Variants in DCC observed in about 807,000 individuals in gnomAD.
DCC encodes netrin receptor DCC.
DCC carries 58 observed loss-of-function variants against 172.5 expected under a neutral mutation model. The ratio of observed to expected loss-of-function variants is 0.34; its 90% confidence interval spans 0.27 to 0.42. DCC has a LOEUF of 0.42. Ranked by LOEUF, DCC falls within the 10% of genes least tolerant of loss-of-function variation. DCC has a pLI of 1.00. For synonymous variants in DCC, 709 were observed against 644.5 expected, an observed-to-expected ratio of 1.10 and a Z score of -1.52; for missense variants, 1,740 against 1,791.0, an observed-to-expected ratio of 0.97 and a Z score of 0.51.
chr18:53,318,806 A>G (rs6508226), intron 13 of DCC, among the ~76,000 whole-genome samples: 30,459 of 148,482 alleles, frequency 0.21, 4,710 homozygotes, highest in African/African-American at 0.43. Flanking sequence ...AAGATACATA[A>G]TGGTCAGATT....
chr18:52,599,250 G>A (rs1030636041), intron 1 of DCC, among the ~76,000 whole-genome samples: 1 of 152,140 alleles, frequency 6.6e-6, no homozygotes, highest in African/African-American at 2.4e-5. Context: ...TTTTAAGAAT[G>A]TTGTGAGTGG....
intron 15 of DCC, among the ~76,000 whole-genome samples, chr18:53,359,863 G>A (rs535552226): frequency 3.3e-5 from 5 of 152,016 alleles, no homozygotes; most frequent in Non-Finnish European, 5.9e-5. Context: ...ACCCATTTCA[G>A]TGACCCCTGA....
chr18:52,398,895 C>A (rs1986333882), intron 1 of DCC, among the ~76,000 whole-genome samples: 1 of 151,900 alleles, frequency 6.6e-6, no homozygotes, highest in African/African-American at 2.4e-5. Flanking sequence ...ACCAAAATCT[C>A]ACAAATCACC....
intron 1 of DCC, among the ~76,000 whole-genome samples, chr18:52,677,908 A>G (rs577711123): frequency 6.6e-6 from 1 of 152,318 alleles, no homozygotes; most frequent in South Asian, 2.1e-4. Flanking sequence ...TTCAGTAGCC[A>G]TAATACGCCA....
At chr18:52,913,184 G>A (rs940480389) in intron 3 of DCC, among the ~76,000 whole-genome samples, 2 of 152,062 alleles carry the variant, frequency 1.3e-5, no homozygotes, top group African/African-American at 4.8e-5. Context: ...ATTAGTTATA[G>A]TAGGTCAGGT....
At chr18:52,765,475 G>C (rs2037232922) in intron 2 of DCC, among the ~76,000 whole-genome samples, 3 of 152,050 alleles carry the variant, frequency 2.0e-5, no homozygotes, top group Middle Eastern at 3.2e-3. Context: ...CATCATGCTA[G>C]CTCTTGCCTT....
intron 15 of DCC, among the ~76,000 whole-genome samples, chr18:53,362,947 C>A (rs1288797216): frequency 1.3e-5 from 2 of 152,082 alleles, no homozygotes; most frequent in African/African-American, 4.8e-5. Flanking sequence ...TACTCTGTGC[C>A]AACTCTATGT....
At chr18:53,425,363 T>TC (rs200775293) in intron 21 of DCC, among the ~76,000 whole-genome samples, 1 of 132,070 alleles carries the variant, frequency 7.6e-6, no homozygotes, top group African/African-American at 2.6e-5. Flanking sequence ...CTCTCTTTTT[T>TC]TTTTTTTTTT....
At chr18:52,948,627 T>G (rs1010977085) in intron 5 of DCC, among the ~76,000 whole-genome samples, 5 of 152,154 alleles carry the variant, frequency 3.3e-5, no homozygotes, top group Admixed American at 1.3e-4. Flanking sequence ...CATGTTCACC[T>G]TCTTTCTTCT....
At chr18:53,259,669 G>A (rs185094509) in intron 12 of DCC, among the ~76,000 whole-genome samples, 47 of 152,072 alleles carry the variant, frequency 3.1e-4, no homozygotes, top group African/African-American at 1.1e-3. Context: ...CAACTTTGGT[G>A]AATCTGACAA....
intron 5 of DCC, among the ~76,000 whole-genome samples, chr18:52,985,896 A>G (rs887249154): frequency 2.6e-5 from 4 of 152,134 alleles, no homozygotes; most frequent in Admixed American, 1.3e-4. Context: ...TTTTATAGTT[A>G]CAGCAGTTTC....
intron 23 of DCC, among the ~76,000 whole-genome samples, chr18:53,456,269 C>G (rs1197945154): frequency 6.6e-6 from 1 of 151,990 alleles, no homozygotes; most frequent in Non-Finnish European, 1.5e-5. Flanking sequence ...AGTAAACAAA[C>G]AAAACAAAAA....
intron 11 of DCC, among the ~76,000 whole-genome samples, chr18:53,213,336 A>G (rs1276906504): frequency 6.6e-6 from 1 of 152,176 alleles, no homozygotes; most frequent in Non-Finnish European, 1.5e-5. Flanking sequence ...AATATAAACT[A>G]GAAATATTCT....
chr18:53,297,635 A>G (rs6508218), intron 12 of DCC, among the ~76,000 whole-genome samples: 22,728 of 152,198 alleles, frequency 0.15, 2,489 homozygotes, highest in African/African-American at 0.3. Context: ...CCGTAACAGC[A>G]ACAGCTTTTG....
chr18:53,165,716 T>C (rs1487433046), intron 8 of DCC, among the ~76,000 whole-genome samples: 1 of 152,192 alleles, frequency 6.6e-6, no homozygotes, highest in African/African-American at 2.4e-5. Flanking sequence ...CATATATAAA[T>C]GAGCAAATAT....
intron 2 of DCC, among the ~76,000 whole-genome samples, chr18:52,813,307 A>C (rs2038233649): frequency 6.7e-6 from 1 of 149,170 alleles, no homozygotes; most frequent in South Asian, 2.2e-4. Flanking sequence ...CAGATGTTAT[A>C]GGTGAAAACA....
chr18:52,968,932 A>G (rs1333002841), intron 5 of DCC, among the ~76,000 whole-genome samples: 1 of 152,114 alleles, frequency 6.6e-6, no homozygotes, highest in Non-Finnish European at 1.5e-5. Context: ...AGGCAACCCT[A>G]AATTTCCCCC....
At chr18:52,631,676 G>A (rs76759704) in intron 1 of DCC, among the ~76,000 whole-genome samples, 3,017 of 152,198 alleles carry the variant, frequency 0.02, 98 homozygotes, top group African/African-American at 0.068. Context: ...AAATTTTGTC[G>A]CATTGGTCTG....
At chr18:53,222,069 A>C (rs532660291) in intron 12 of DCC, among the ~76,000 whole-genome samples, 1 of 152,310 alleles carries the variant, frequency 6.6e-6, no homozygotes, top group African/African-American at 2.4e-5. Context: ...TGATTCTTAG[A>C]CTTTTTTTGA....
Sources: allele counts gnomAD v4.1 joint callset (sites outside exome capture counted in the v4.1 genomes callset), GRCh38; gene constraint gnomAD v4.1.1; transcripts MANE v1.5; gene names NCBI Gene and HGNC (gene_info 2026-07-23, HGNC 2026-07-21).